LRCH1: variants seen among roughly 807,000 people sequenced by gnomAD.
LRCH1 encodes leucine rich repeats and calponin homology domain containing 1.
A neutral mutation model predicts 94.9 loss-of-function variants in LRCH1; 23 were observed. That is an observed-to-expected ratio of 0.24 (90% CI 0.17 to 0.34). The LOEUF (loss-of-function observed/expected upper bound fraction) is 0.34. LRCH1 is among the 10% of genes least tolerant of loss of function. The pLI is 1.00. For missense variants in LRCH1, 790 were observed against 945.9 expected, an observed-to-expected ratio of 0.84 and a Z score of 2.16; for synonymous variants, 364 against 354.9, an observed-to-expected ratio of 1.03 and a Z score of -0.29.
Position 46,635,467 on chromosome 13 carries a change from C to CTTTTT in LRCH1, c.308-14717_308-14713dup, listed in dbSNP as rs35362550. On this transcript the variant is annotated intron_variant, in intron 1 of 19. Transcript: ENST00000389797. ...CTTGAAAGATCCGGTCCCCTCCCAC[C>CTTTTT]TTTTTTTTTTTTTTTTTTTTTGAGA... Among the ~76,000 whole-genome samples, 116 of 96,614 alleles carry CTTTTT rather than the reference C, an allele frequency of 1.2e-3. 4 individuals are homozygous for CTTTTT. Among genetic ancestry groups the CTTTTT allele is most frequent in the African/African-American group, 2.9e-3 (67 of 23,254 alleles). The allele number at this position is 96,614 out of a possible 152,430, so 63.4% of individuals were successfully genotyped here.
intron 1 of LRCH1, among the ~76,000 whole-genome samples, chr13:46,606,752 A>G (rs1037501744): frequency 2.0e-5 from 3 of 152,042 alleles, no homozygotes; most frequent in African/African-American, 7.2e-5. Flanking sequence ...TTGTATTTTT[A>G]GTAGAGATGG....
intron 1 of LRCH1, among the ~76,000 whole-genome samples, chr13:46,642,487 G>A (rs993330463): frequency 6.6e-5 from 10 of 152,154 alleles, no homozygotes; most frequent in African/African-American, 2.4e-4. Context: ...GTTGTGATGA[G>A]GATTACGTGA....
chr13:46,744,554 G>A lies in LRCH1; in HGVS notation c.*2706G>A, dbSNP rs550892710. The A allele has an allele frequency of 1.0e-6, 1 of 985,408 alleles. No individual in the cohort carries two copies. The highest frequency in any genetic ancestry group is 1.7e-5 in the African/African-American group (1 of 57,346). 61.0% of individuals were successfully genotyped at this position (985,408 alleles called of 1,614,324 possible). On this transcript the variant is annotated 3_prime_UTR_variant, in exon 20 of 20. Transcript: ENST00000389797. ...GAAAGGGGCCCCGCAGAACTACAAT[G>A]TATGATAATCGAGTATAAATTTCAT...
chr13:46,659,093 G>A (rs1206383624), intron 2 of LRCH1, among the ~76,000 whole-genome samples: 1 of 152,072 alleles, frequency 6.6e-6, no homozygotes, highest in Non-Finnish European at 1.5e-5. Context: ...CATTAGACAA[G>A]GCACCTGGTA....
intron 2 of LRCH1, among the ~76,000 whole-genome samples, chr13:46,663,449 A>C (rs1359434636): frequency 6.6e-6 from 1 of 152,164 alleles, no homozygotes; most frequent in East Asian, 1.9e-4. Context: ...AACCAGGGTG[A>C]GACATTTTGC....
At chr13:46,709,410 G>A (rs1871941295) in intron 13 of LRCH1, among the ~76,000 whole-genome samples, 1 of 152,228 alleles carries the variant, frequency 6.6e-6, no homozygotes, top group South Asian at 2.1e-4. Context: ...TGTGCTCAGT[G>A]CTGTGAGGGC....
intron 19 of LRCH1, among the ~76,000 whole-genome samples, chr13:46,741,011 C>G (rs934851491): frequency 6.6e-6 from 1 of 152,108 alleles, no homozygotes; most frequent in Non-Finnish European, 1.5e-5. Context: ...ATCCAAGAAG[C>G]CTCCCCTAGA....
In LRCH1 at chr13:46,744,492, A is replaced by G. The variant is rs1873822780; in HGVS notation, c.*2644A>G. ...CCTATTTATGGATTTCTGGTTTGTT[A>G]TTTTTAGGGAGAGACACTTATGAAA... is the stretch of plus-strand genomic sequence containing the variant. On this transcript the variant is annotated 3_prime_UTR_variant, in exon 20 of 20. Transcript: ENST00000389797. The G allele has an allele frequency of 6.1e-6, 6 of 985,170 alleles. No homozygotes were observed. Among genetic ancestry groups the G allele is most frequent in the African/African-American group, 1.7e-5 (1 of 57,178 alleles). 61.0% of individuals were successfully genotyped at this position (985,170 alleles called of 1,614,324 possible).
intron 1 of LRCH1, among the ~76,000 whole-genome samples, chr13:46,565,002 CTG>C (rs985828232): frequency 5.9e-5 from 9 of 152,324 alleles, no homozygotes; most frequent in African/African-American, 1.9e-4. Context: ...AAAGCACAAA[CTG>C]TGGCTGGGTC....
chr13:46,651,837 AC>A (rs1372513323), intron 2 of LRCH1, among the ~76,000 whole-genome samples: 365 of 122,446 alleles, frequency 3.0e-3, no homozygotes, highest in Middle Eastern at 0.019. Flanking sequence ...AGTAGCTGGG[AC>A]TACAGGCGCC....
intron 11 of LRCH1, among the ~76,000 whole-genome samples, 179 bp from the exon 12 acceptor site, chr13:46,704,889 C>T (rs531279235): frequency 6.6e-6 from 1 of 152,148 alleles, no homozygotes; most frequent in South Asian, 2.1e-4. Context: ...TATATTTTGG[C>T]ATGCAGTGGG....
chr13:46,633,983 G>A (rs946684617), intron 1 of LRCH1, among the ~76,000 whole-genome samples: 2 of 151,034 alleles, frequency 1.3e-5, no homozygotes, highest in Non-Finnish European at 2.9e-5. Flanking sequence ...GGGTTCAAGC[G>A]ATTCTCCTGC....
intron 1 of LRCH1, among the ~76,000 whole-genome samples, chr13:46,597,689 G>T (rs1299126394): frequency 6.6e-6 from 1 of 152,102 alleles, no homozygotes; most frequent in Admixed American, 6.5e-5. Context: ...AGAAGGCTGT[G>T]ATGTGCCTTA....
At chr13:46,745,742 A>T (rs1007996627), downstream of LRCH1, among the ~76,000 whole-genome samples, 1 of 152,346 alleles carries the variant, frequency 6.6e-6, no homozygotes, top group East Asian at 1.9e-4. Flanking sequence ...AGGACTTTAT[A>T]TATAAGAAGC....
At chr13:46,685,403 G>A (rs1320647710) in intron 4 of LRCH1, among the ~76,000 whole-genome samples, 1 of 152,144 alleles carries the variant, frequency 6.6e-6, no homozygotes, top group East Asian at 1.9e-4. Flanking sequence ...TTCTGAATTG[G>A]ATAACATTTA....
intron 5 of LRCH1, among the ~76,000 whole-genome samples, chr13:46,686,362 G>A (rs1870615654): frequency 6.6e-6 from 1 of 152,284 alleles, no homozygotes; most frequent in African/African-American, 2.4e-5. Context: ...TGTTTGTCTG[G>A]ATTCTTCTTG....
intron 1 of LRCH1, among the ~76,000 whole-genome samples, chr13:46,564,840 G>A (rs377004319): frequency 3.3e-5 from 5 of 152,364 alleles, no homozygotes; most frequent in African/African-American, 1.2e-4. Flanking sequence ...GTAATAGATA[G>A]CACAGGAGCA....
rs374400614 is a variant in LRCH1 at position 46,743,378 on chromosome 13, GT to G, written c.*1538del. 1.6e-3 allele frequency: 1,543 copies of G among 985,658 alleles called. 17 individuals carry two copies. In the African/African-American group the frequency reaches 0.023, roughly 15 times the overall value. 61.1% of individuals were successfully genotyped at this position (985,658 alleles called of 1,614,324 possible). Reference sequence around the variant, plus strand: ...CATGACAGTATCTTGAGTTATGTGAGTTTTTTTTCCTCCTGACTTTGTGTTG... The same window carrying G: ...CATGACAGTATCTTGAGTTATGTGAGTTTTTTTCCTCCTGACTTTGTGTTG... On this transcript the variant is annotated 3_prime_UTR_variant, in exon 20 of 20. Transcript: ENST00000389797.
At chr13:46,686,743 A>G (rs2138151226) in intron 5 of LRCH1, among the ~76,000 whole-genome samples, 1 of 152,222 alleles carries the variant, frequency 6.6e-6, no homozygotes, top group African/African-American at 2.4e-5. Context: ...CAGTTTTCTG[A>G]TTCTCTGCTG....
Sources: allele counts gnomAD v4.1 joint callset (sites outside exome capture counted in the v4.1 genomes callset), GRCh38; gene constraint gnomAD v4.1.1; transcripts MANE v1.5; gene names NCBI Gene and HGNC (gene_info 2026-07-23, HGNC 2026-07-21).